NRDC: variants seen among roughly 807,000 people sequenced by gnomAD.
NRDC encodes nardilysin convertase.
Under a neutral mutation model 147.1 loss-of-function variants are expected in NRDC, and 54 were observed. That is an observed-to-expected ratio of 0.37 (90% CI 0.29 to 0.46). The LOEUF is 0.46. Among genes scored for constraint, NRDC ranks in the 20% least tolerant of loss-of-function variants. NRDC has a pLI of 1.00. For missense variants in NRDC, 1,082 were observed against 1,370.6 expected, an observed-to-expected ratio of 0.79 and a Z score of 3.33; for synonymous variants, 440 against 482.1, an observed-to-expected ratio of 0.91 and a Z score of 1.14.
At chr1:51,810,433 TAC>T in intron 15 of NRDC, 29 bp from the exon 16 acceptor site, 2 of 1,597,280 alleles carry the variant, frequency 1.3e-6, no homozygotes, top group Non-Finnish European at 1.7e-6. Flanking sequence ...GGGAAAGAGA[TAC>T]ACACAATTTT....
At chr1:51,852,605 T>A (rs375489046) in intron 1 of NRDC, among the ~76,000 whole-genome samples, 1 of 28,892 alleles carries the variant, frequency 3.5e-5, no homozygotes, top group Admixed American at 2.5e-4. Context: ...TATAGTTTTT[T>A]ATAGTTTTTT....
chr1:51,824,251 A>C (rs952473445), intron 6 of NRDC, among the ~76,000 whole-genome samples: 3 of 151,536 alleles, frequency 2.0e-5, no homozygotes, highest in African/African-American at 7.3e-5. Context: ...TCAGCATCCC[A>C]AGTAGCTGGG....
In NRDC at chr1:51,810,310, T is replaced by G; in HGVS notation, c.1874A>C (p.Lys625Thr). The G allele has an allele frequency of 6.2e-7, 1 of 1,611,122 alleles. No homozygotes were observed. The highest frequency in any genetic ancestry group is 1.1e-5 in the South Asian group (1 of 90,854). The stretch of plus-strand genomic sequence containing the variant: ...TATACTATATTGAGTTCCAAACCAT[T>G]TCTCCTTGAGGTCACATTTTCCCTC... ...ANEGKCDLKEKWFGTQYSIED... is the reference protein window; with the variant it reads ...ANEGKCDLKETWFGTQYSIED... Residue 625 changes from lysine (K) to threonine (T), a missense_variant, in exon 16 of 31, where the codon AAA becomes ACA. Around this residue, in one of 3 missense-constraint regions of NRDC, gnomAD observed 635 missense variants for 923.8 expected, o/e 0.69. Transcript: ENST00000352171.
At chr1:51,814,520 T>C (rs938240299) in intron 13 of NRDC, 31 bp downstream of exon 13, 1 of 1,607,880 alleles carries the variant, frequency 6.2e-7, no homozygotes, top group Admixed American at 1.7e-5. Flanking sequence ...CAGGACTGGC[T>C]CCTGGCCTCA....
At chr1:51,844,504 G>A (rs1400045734) in intron 1 of NRDC, among the ~76,000 whole-genome samples, 1 of 151,938 alleles carries the variant, frequency 6.6e-6, no homozygotes, top group Middle Eastern at 3.4e-3. Context: ...AAACCGAATA[G>A]GGCCGAAGAG....
intron 1 of NRDC, chr1:51,860,208 T>A (rs1057499546): frequency 6.4e-6 from 1 of 156,572 alleles, no homozygotes. Flanking sequence ...ATGCTTCATC[T>A]TTCACCTCAG....
intron 1 of NRDC, among the ~76,000 whole-genome samples, chr1:51,849,484 A>G (rs886708464): frequency 1.3e-5 from 2 of 151,884 alleles, no homozygotes; most frequent in Non-Finnish European, 2.9e-5. Context: ...TGATTCTAAA[A>G]TTCATGTGGA....
At chr1:51,821,469 T>G (rs755265348) in intron 8 of NRDC, 29 bp downstream of exon 8, 1 of 1,462,356 alleles carries the variant, frequency 6.8e-7, no homozygotes, top group South Asian at 1.1e-5. Flanking sequence ...ACTCTGAAGG[T>G]GTATGATGTA....
Position 51,825,375 on chromosome 1 carries a change from T to G in NRDC, c.948A>C (p.Gln316His), listed in dbSNP as rs1346009415. 4.4e-6 allele frequency: 7 copies of G among 1,588,792 alleles called. No homozygotes were observed. The highest frequency in any genetic ancestry group is 5.1e-6 in the Non-Finnish European group (6 of 1,173,580). ...REVEAVDSEYQLARPSDANRK... is the reference protein window; with the variant it reads ...REVEAVDSEYHLARPSDANRK... ...TGTTTGCATCAGAAGGCCTTGCAAG[T>G]TGATATTCTGTCAATTTTAAATAAA... Residue 316 changes from glutamine to histidine, a missense_variant, in exon 6 of 31, where the codon CAA becomes CAC. Physicochemically the swap from Gln to His is conservative, Grantham distance 24 (BLOSUM62 0). Coordinates refer to ENST00000352171, the MANE Select transcript of NRDC (RefSeq NM_001101662.2).
intron 1 of NRDC, among the ~76,000 whole-genome samples, chr1:51,865,309 TG>T (rs1457265585): frequency 5.9e-5 from 9 of 151,434 alleles, no homozygotes; most frequent in East Asian, 1.9e-4. Flanking sequence ...TTTTTCGTTT[TG>T]TTTTTTTTTT....
intron 1 of NRDC, among the ~76,000 whole-genome samples, chr1:51,877,268 T>C (rs1196457564): frequency 1.3e-5 from 2 of 152,182 alleles, no homozygotes; most frequent in Admixed American, 6.5e-5. Flanking sequence ...CTGTTATTAT[T>C]TAGCTGTGTG....
intron 22 of NRDC, among the ~76,000 whole-genome samples, chr1:51,796,591 C>CTT (rs10716980): frequency 7.0e-6 from 1 of 143,174 alleles, no homozygotes; most frequent in African/African-American, 2.6e-5. Flanking sequence ...ATAATCTCAA[C>CTT]TTTTTTTTTT....
intron 1 of NRDC, among the ~76,000 whole-genome samples, chr1:51,863,991 C>T (rs1275830198): frequency 6.6e-6 from 1 of 152,182 alleles, no homozygotes; most frequent in Non-Finnish European, 1.5e-5. Flanking sequence ...CTTACATAGC[C>T]TACAGTTGGG....
Position 51,789,443 on chromosome 1 carries a change from G to A in NRDC, c.3259-10C>T. On this transcript the variant is annotated splice_polypyrimidine_tract_variant and intron_variant, in intron 30 of 30. Transcript: ENST00000352171. ...TCCCATATCCAACAACCTGAAAGAGGACAAAGACAAAAGTGAAAAATATGC... is the reference window on the plus strand; with the variant it reads ...TCCCATATCCAACAACCTGAAAGAGAACAAAGACAAAAGTGAAAAATATGC... 2.5e-6 allele frequency: 4 copies of A among 1,613,710 alleles called. No homozygotes were observed. Among genetic ancestry groups the A allele is most frequent in the Non-Finnish European group, 2.5e-6 (3 of 1,179,718 alleles).
chr1:51,797,219 G>T (rs1678970608), intron 22 of NRDC, among the ~76,000 whole-genome samples: 3 of 151,934 alleles, frequency 2.0e-5, no homozygotes, highest in African/African-American at 7.3e-5. Context: ...AAGGGGTACA[G>T]TTCAATAATG....
intron 19 of NRDC, among the ~76,000 whole-genome samples, chr1:51,805,270 T>G (rs1176369596): frequency 6.6e-6 from 1 of 152,220 alleles, no homozygotes; most frequent in Non-Finnish European, 1.5e-5. Flanking sequence ...GGGAACTAAT[T>G]GCTCTAGTCT....
At chr1:51,856,731 G>C (rs1207297823) in intron 1 of NRDC, among the ~76,000 whole-genome samples, 1 of 151,990 alleles carries the variant, frequency 6.6e-6, no homozygotes, top group Non-Finnish European at 1.5e-5. Context: ...CTTCCTCCAA[G>C]GATAGGGTGG....
At chr1:51,861,470 C>T (rs1682538577) in intron 1 of NRDC, among the ~76,000 whole-genome samples, 2 of 151,610 alleles carry the variant, frequency 1.3e-5, no homozygotes, top group Non-Finnish European at 2.9e-5. Context: ...GCTGGGACTA[C>T]AGGTGCATGC....
chr1:51,838,531 GA>G (rs1293614725), intron 2 of NRDC, among the ~76,000 whole-genome samples: 1 of 151,968 alleles, frequency 6.6e-6, no homozygotes, highest in East Asian at 1.9e-4. Context: ...GAAAGATATA[GA>G]AAAAAAGTAT....
Sources: allele counts gnomAD v4.1 joint callset (sites outside exome capture counted in the v4.1 genomes callset), GRCh38; gene constraint gnomAD v4.1.1; regional missense constraint gnomAD v4.1.1; transcripts MANE v1.5; gene names NCBI Gene and HGNC (gene_info 2026-07-23, HGNC 2026-07-21).